Variants in GABBR2 observed in about 807,000 individuals in gnomAD.
The protein encoded by GABBR2 is gamma-aminobutyric acid type B receptor subunit 2, also known as G-protein coupled receptor 51.
Under a neutral mutation model 105.6 loss-of-function variants are expected in GABBR2, and 23 were observed. The observed-to-expected ratio is 0.22, with a 90% CI of 0.16 to 0.31. The LOEUF (loss-of-function observed/expected upper bound fraction) is 0.31, where lower values mean the gene tolerates loss of function less well. Among genes scored for constraint, GABBR2 ranks in the 10% least tolerant of loss-of-function variants. GABBR2 has a pLI of 1.00. For synonymous variants in GABBR2, 478 were observed against 499.7 expected (o/e 0.96, Z 0.58); for missense variants, 734 against 1,245.5 (o/e 0.59, Z 6.18).
intron 13 of GABBR2, among the ~76,000 whole-genome samples, chr9:98,315,429 G>T (rs989841921): frequency 3.9e-5 from 6 of 152,240 alleles, no homozygotes. Flanking sequence ...CAGGGGTTGG[G>T]ATAGTTTTGG....
Position 98,646,168 on chromosome 9 carries a change from C to G in GABBR2, c.321+62249G>C, listed in dbSNP as rs114689266. 2.2e-3 allele frequency among the ~76,000 whole-genome samples: 337 copies of G among 152,292 alleles called. 3 individuals are homozygous for G. The highest frequency in any genetic ancestry group is 7.8e-3 in the African/African-American group (325 of 41,568). ...TTGGACTTCAAGAGAGTTCCCACTCCCCTCTGATAAGAATGGCTCACTGGG... is the reference window on the plus strand; with the variant it reads ...TTGGACTTCAAGAGAGTTCCCACTCGCCTCTGATAAGAATGGCTCACTGGG... On this transcript the variant is annotated intron_variant, in intron 1 of 18. Transcript: ENST00000259455.
At chr9:98,321,809 C>T (rs997425531) in intron 13 of GABBR2, among the ~76,000 whole-genome samples, 1 of 152,194 alleles carries the variant, frequency 6.6e-6, no homozygotes, top group Non-Finnish European at 1.5e-5. Context: ...ATACTTGGCA[C>T]TAAATGACTG....
chr9:98,416,418 C>T (rs908516756), intron 7 of GABBR2, among the ~76,000 whole-genome samples: 22 of 152,358 alleles, frequency 1.4e-4, no homozygotes, highest in African/African-American at 5.3e-4. Flanking sequence ...CAAGCCTGCC[C>T]TCTCTATCCT....
At chr9:98,421,284 T>C (rs541419503) in intron 7 of GABBR2, among the ~76,000 whole-genome samples, 5 of 152,226 alleles carry the variant, frequency 3.3e-5, no homozygotes, top group African/African-American at 1.2e-4. Context: ...CAGTGGTTGC[T>C]GTGACGAAAA....
At chr9:98,551,660 G>A (rs558262459) in intron 2 of GABBR2, among the ~76,000 whole-genome samples, 15 of 152,252 alleles carry the variant, frequency 9.9e-5, no homozygotes, top group African/African-American at 2.9e-4. Flanking sequence ...CTAGCCTGCC[G>A]TGATATGTTT....
chr9:98,610,898 A>G (rs944180750), intron 1 of GABBR2, among the ~76,000 whole-genome samples: 1 of 152,170 alleles, frequency 6.6e-6, no homozygotes, highest in Non-Finnish European at 1.5e-5. Context: ...AAGCTGAGGC[A>G]GGAGAATTGC....
chr9:98,354,473 G>A (rs1831452926), intron 13 of GABBR2, among the ~76,000 whole-genome samples: 1 of 152,222 alleles, frequency 6.6e-6, no homozygotes, highest in East Asian at 1.9e-4. Context: ...TTGAAAATGT[G>A]TTGTTTAGTG....
chr9:98,692,106 T>G (rs1352340565), intron 1 of GABBR2, among the ~76,000 whole-genome samples: 3 of 152,188 alleles, frequency 2.0e-5, no homozygotes, highest in African/African-American at 4.8e-5. Flanking sequence ...GGAGATAAAG[T>G]GGCTTGCCCA....
chr9:98,460,035 A>G (rs1248785167), intron 6 of GABBR2, among the ~76,000 whole-genome samples: 1 of 152,266 alleles, frequency 6.6e-6, no homozygotes, highest in Admixed American at 6.5e-5. Flanking sequence ...CAAGGAAGAA[A>G]AAGAAGAGAA....
intron 1 of GABBR2, among the ~76,000 whole-genome samples, chr9:98,581,381 A>G (rs1177006744): frequency 1.3e-5 from 2 of 152,160 alleles, no homozygotes; most frequent in Non-Finnish European, 2.9e-5. Context: ...GAGTTTGAAT[A>G]CTACAGATTT....
At chr9:98,675,090 G>A (rs942942889) in intron 1 of GABBR2, among the ~76,000 whole-genome samples, 4 of 152,206 alleles carry the variant, frequency 2.6e-5, no homozygotes, top group African/African-American at 9.6e-5. Context: ...GAAGAGGATG[G>A]AACCTGGGAG....
chr9:98,305,089 G>T (rs186255808), intron 15 of GABBR2, among the ~76,000 whole-genome samples: 2 of 151,872 alleles, frequency 1.3e-5, no homozygotes, highest in Non-Finnish European at 2.9e-5. Context: ...CTTTACTTTT[G>T]AGACTCACTT....
At chr9:98,576,311 A>G (rs577970687) in intron 2 of GABBR2, among the ~76,000 whole-genome samples, 1 of 152,194 alleles carries the variant, frequency 6.6e-6, no homozygotes, top group Non-Finnish European at 1.5e-5. Flanking sequence ...CGAATACACC[A>G]GGTCCTTTCC....
chr9:98,592,838 C>T (rs1430255018), intron 1 of GABBR2, among the ~76,000 whole-genome samples: 2 of 152,084 alleles, frequency 1.3e-5, no homozygotes, highest in African/African-American at 2.4e-5. Context: ...ATGGTAGATG[C>T]GAGGGGTGAG....
At chr9:98,533,625 A>T (rs1828112246) in intron 3 of GABBR2, among the ~76,000 whole-genome samples, 1 of 152,152 alleles carries the variant, frequency 6.6e-6, no homozygotes, top group African/African-American at 2.4e-5. Flanking sequence ...TCATCATCTC[A>T]TCTCATCCCC....
chr9:98,492,349 T>TAAAAAAAAAAAAA (rs574771107), intron 4 of GABBR2, among the ~76,000 whole-genome samples: 1,747 of 29,104 alleles, frequency 0.06, 435 homozygotes, highest in Non-Finnish European at 0.1. Context: ...TGTTTCCTAG[T>TAAAAAAAAAAAAA]AAAAAAAAAA....
intron 13 of GABBR2, among the ~76,000 whole-genome samples, chr9:98,325,920 G>A (rs765011499): frequency 1.3e-5 from 2 of 152,286 alleles, no homozygotes; most frequent in East Asian, 1.9e-4. Context: ...AAGGGCCCAT[G>A]CATCCTATGA....
intron 3 of GABBR2, among the ~76,000 whole-genome samples, chr9:98,525,355 G>C (rs1255530722): frequency 9.9e-5 from 15 of 152,058 alleles, no homozygotes; most frequent in Admixed American, 9.8e-4. Context: ...GATTTGAATA[G>C]GCATATCTCC....
chr9:98,292,393 T>C (rs1830315964), intron 18 of GABBR2, among the ~76,000 whole-genome samples: 1 of 152,190 alleles, frequency 6.6e-6, no homozygotes, highest in Non-Finnish European at 1.5e-5. Flanking sequence ...CATTGTTTTG[T>C]GGTGGAGGCG....
Sources: gnomAD v4.1 joint callset for allele counts (sites outside exome capture counted in the v4.1 genomes callset) on GRCh38, gnomAD v4.1.1 for gene constraint, MANE v1.5 for transcripts, NCBI Gene and HGNC (gene_info 2026-07-23, HGNC 2026-07-21) for gene names.